The following SLC2A13 variants were observed in gnomAD, a reference collection of about 807,000 sequenced individuals.
The protein encoded by SLC2A13 is proton myo-inositol cotransporter.
Under a neutral mutation model 64.4 loss-of-function variants are expected in SLC2A13, and 32 were observed. The observed-to-expected ratio is 0.50, with a 90% confidence interval of 0.37 to 0.67. The LOEUF is 0.67. Among genes scored for constraint, SLC2A13 ranks in the 30% least tolerant of loss-of-function variants. SLC2A13 has a pLI of 0.00. For synonymous variants in SLC2A13, 338 were observed against 327.1 expected (o/e 1.03, Z -0.36); for missense variants, 743 against 829.2 (o/e 0.90, Z 1.28).
At chr12:39,765,808 G>C (rs565908038) in intron 7 of SLC2A13, among the ~76,000 whole-genome samples, 2 of 152,156 alleles carry the variant, frequency 1.3e-5, no homozygotes, top group South Asian at 4.1e-4. Context: ...GTAGTGGTTT[G>C]CTGTGCCTAT....
chr12:39,914,766 T>C (rs957957020), intron 4 of SLC2A13, among the ~76,000 whole-genome samples: 1 of 152,000 alleles, frequency 6.6e-6, no homozygotes, highest in Non-Finnish European at 1.5e-5. Context: ...ACTCGCTGTG[T>C]AGAACTTGAT....
intron 6 of SLC2A13, among the ~76,000 whole-genome samples, chr12:39,847,266 T>C (rs1943344257): frequency 6.8e-6 from 1 of 146,556 alleles, no homozygotes; most frequent in African/African-American, 2.5e-5. Context: ...GTAGCAAAGA[T>C]TGCTAGTGGC....
chr12:39,791,140 G>T (rs1236251766), intron 7 of SLC2A13, among the ~76,000 whole-genome samples: 2 of 151,632 alleles, frequency 1.3e-5, no homozygotes, highest in Non-Finnish European at 2.9e-5. Flanking sequence ...AGATGAGTAG[G>T]TTGCAAAAAT....
intron 7 of SLC2A13, among the ~76,000 whole-genome samples, chr12:39,767,343 T>A (rs1157006122): frequency 6.6e-6 from 1 of 151,856 alleles, no homozygotes; most frequent in Non-Finnish European, 1.5e-5. Flanking sequence ...CATAGTGGCT[T>A]AAAATATTCT....
chr12:39,895,057 T>TG (rs1944705484), intron 4 of SLC2A13, among the ~76,000 whole-genome samples: 1 of 151,982 alleles, frequency 6.6e-6, no homozygotes, highest in South Asian at 2.1e-4. Context: ...GTTTTTGAGA[T>TG]GGGGTCTCAC....
chr12:40,022,040 G>GA (rs148910168), intron 3 of SLC2A13, among the ~76,000 whole-genome samples: 73 of 147,490 alleles, frequency 4.9e-4, no homozygotes, highest in African/African-American at 1.5e-3. Context: ...ATTACTAGAG[G>GA]AAAAAAAAAA....
chr12:39,976,969 T>C (rs780222922), intron 3 of SLC2A13, among the ~76,000 whole-genome samples: 41 of 152,168 alleles, frequency 2.7e-4, no homozygotes, highest in Non-Finnish European at 5.3e-4. Flanking sequence ...TGCATTAAAA[T>C]GTTTTCCTAA....
chr12:40,003,513 T>C (rs556830163), intron 3 of SLC2A13, among the ~76,000 whole-genome samples: 1 of 152,258 alleles, frequency 6.6e-6, no homozygotes, highest in Non-Finnish European at 1.5e-5. Context: ...AATCTAAGCC[T>C]TGGATATGCT....
At chr12:39,959,213 A>T (rs1404300454) in intron 3 of SLC2A13, among the ~76,000 whole-genome samples, 1 of 152,222 alleles carries the variant, frequency 6.6e-6, no homozygotes, top group Admixed American at 6.5e-5. Context: ...AATATGCAGC[A>T]GATGATGTTT....
At chr12:39,786,369 C>CCCG (rs1941185867) in intron 7 of SLC2A13, among the ~76,000 whole-genome samples, 1 of 152,212 alleles carries the variant, frequency 6.6e-6, no homozygotes, top group African/African-American at 2.4e-5. Flanking sequence ...TCTTTCATCT[C>CCCG]CCACCATGAT....
intron 6 of SLC2A13, among the ~76,000 whole-genome samples, chr12:39,864,389 A>T (rs1175793972): frequency 6.6e-6 from 1 of 152,228 alleles, no homozygotes; most frequent in African/African-American, 2.4e-5. Context: ...ATCTTGTAAA[A>T]GTTTGATTAC....
Position 40,105,599 on chromosome 12 carries a change from C to A in SLC2A13, c.210G>T (p.Arg70=). 1 of 1,525,622 alleles carries A rather than the reference C, an allele frequency of 6.6e-7. No homozygotes were observed. Among genetic ancestry groups the A allele is most frequent in the Non-Finnish European group, 8.8e-7 (1 of 1,139,042 alleles). 94.5% of individuals were successfully genotyped at this position (1,525,622 alleles called of 1,614,324 possible). A position where few individuals can be genotyped will look rare whatever the true frequency, so the allele number is the denominator to read the frequency against. ...GVGDLERAAR[R]QFQQDETPAF... ...CGGGGGTCTCGTCCTGCTGGAACTGCCGCCGCGCCGCGCGCTCCAGGTCCC... is the reference window on the plus strand; with the variant it reads ...CGGGGGTCTCGTCCTGCTGGAACTGACGCCGCGCCGCGCGCTCCAGGTCCC... The change falls in exon 1 of 10, where the codon CGG becomes CGT. Residue 70 remains arginine (R), a synonymous_variant. Coordinates refer to ENST00000280871, the MANE Select transcript of SLC2A13 (RefSeq NM_052885.4). This position sits in a 1 kb window ranked among gnomAD's most constrained non-coding sequence, Gnocchi z 4.2.
At chr12:39,760,479 A>C (rs4238071) in intron 9 of SLC2A13, among the ~76,000 whole-genome samples, 148,416 of 152,084 alleles carry the variant, frequency 0.98, 72,421 homozygotes, top group East Asian at 1. Context: ...GAATAATAGA[A>C]CAGGCTCAGA....
At chr12:39,808,775 CTTTA>C (rs901730924) in intron 7 of SLC2A13, among the ~76,000 whole-genome samples, 1 of 151,960 alleles carries the variant, frequency 6.6e-6, no homozygotes, top group Non-Finnish European at 1.5e-5. Flanking sequence ...TGAAAGGTTG[CTTTA>C]TTTATTTTAA....
chr12:39,878,769 A>G (rs566386738), intron 4 of SLC2A13, among the ~76,000 whole-genome samples: 1 of 152,378 alleles, frequency 6.6e-6, no homozygotes, highest in East Asian at 1.9e-4. Context: ...GAGGAATTCA[A>G]GCATGCTGTG....
intron 3 of SLC2A13, among the ~76,000 whole-genome samples, chr12:40,012,724 C>G (rs1469663412): frequency 6.6e-6 from 1 of 152,148 alleles, no homozygotes; most frequent in African/African-American, 2.4e-5. Flanking sequence ...ACAGATAACA[C>G]TGCTTCCAAA....
At chr12:39,846,644 A>AT (rs1473254109) in intron 6 of SLC2A13, among the ~76,000 whole-genome samples, 1 of 151,908 alleles carries the variant, frequency 6.6e-6, no homozygotes, top group African/African-American at 2.4e-5. Flanking sequence ...GAGAAATGGG[A>AT]TTTTGCCACG....
At chr12:39,969,644 G>T (rs902561630) in intron 3 of SLC2A13, among the ~76,000 whole-genome samples, 1 of 152,144 alleles carries the variant, frequency 6.6e-6, no homozygotes, top group African/African-American at 2.4e-5. Flanking sequence ...TGTTGATGGG[G>T]TTGTTTGTTT....
intron 4 of SLC2A13, among the ~76,000 whole-genome samples, chr12:39,932,248 G>A (rs1275825905): frequency 1.3e-5 from 2 of 152,092 alleles, no homozygotes; most frequent in African/African-American, 2.4e-5. Flanking sequence ...AAGGATTGGG[G>A]GGAATCAGGC....
Sources: allele counts gnomAD v4.1 joint callset (sites outside exome capture counted in the v4.1 genomes callset), GRCh38; gene constraint gnomAD v4.1.1; non-coding constraint Gnocchi (gnomAD v3.1); transcripts MANE v1.5; gene names NCBI Gene and HGNC (gene_info 2026-07-23, HGNC 2026-07-21).